MPZL1: variants seen among roughly 807,000 people sequenced by gnomAD.
MPZL1 encodes the protein myelin protein zero-like protein 1.
In MPZL1, 16 loss-of-function variants were observed where a neutral mutation model predicts 29.3. The observed-to-expected ratio is 0.55, with a 90% CI of 0.37 to 0.83. The LOEUF (loss-of-function observed/expected upper bound fraction) is 0.83, where lower values mean the gene tolerates loss of function less well. Among genes scored for constraint, MPZL1 ranks in the 40% least tolerant of loss-of-function variants. MPZL1 has a pLI of 0.00. For synonymous variants in MPZL1, 143 were observed against 132.0 expected, an observed-to-expected ratio of 1.08 and a Z score of -0.57; for missense variants, 279 against 332.9, an observed-to-expected ratio of 0.84 and a Z score of 1.26.
At chr1:167,728,362 CTTT>C (rs71097693) in intron 1 of MPZL1, among the ~76,000 whole-genome samples, 1 of 117,678 alleles carries the variant, frequency 8.5e-6, no homozygotes, top group Non-Finnish European at 1.7e-5. Flanking sequence ...TTCTTTCTTT[CTTT>C]TTTTTTTTTT....
At chr1:167,781,686 A>C (rs1367414735) in intron 5 of MPZL1, among the ~76,000 whole-genome samples, 2 of 152,150 alleles carry the variant, frequency 1.3e-5, no homozygotes, top group Non-Finnish European at 2.9e-5. Context: ...AGCAAATTAA[A>C]CCCAACATAA....
intron 3 of MPZL1, 71 bp downstream of exon 3, chr1:167,772,559 T>G (rs1473804508): frequency 1.2e-5 from 16 of 1,389,420 alleles, no homozygotes; most frequent in African/African-American, 1.4e-5. Context: ...AAAACATGAG[T>G]TGCATTTCAT....
intron 3 of MPZL1, 120 bp from the exon 4 acceptor site, chr1:167,773,116 G>A: frequency 2.0e-6 from 2 of 986,576 alleles, no homozygotes; most frequent in Non-Finnish European, 3.0e-6. Flanking sequence ...CTCATAGTTT[G>A]GATAATAAAA....
At chr1:167,753,483 C>G (rs1660798745) in intron 1 of MPZL1, among the ~76,000 whole-genome samples, 1 of 152,170 alleles carries the variant, frequency 6.6e-6, no homozygotes, top group Non-Finnish European at 1.5e-5. Flanking sequence ...CGACAGTAAA[C>G]ATATCTCGAA....
intron 1 of MPZL1, among the ~76,000 whole-genome samples, chr1:167,748,621 G>A (rs1480801011): frequency 1.3e-5 from 2 of 151,658 alleles, no homozygotes; most frequent in Non-Finnish European, 2.9e-5. Context: ...TTAAATTTTG[G>A]GTAAGTCCAA....
At position 167,787,925 on chromosome 1, in the gene MPZL1, A is replaced by G. The variant is rs1404374690; in HGVS notation, c.*4A>G. 4 of 1,600,310 alleles carry G rather than the reference A, an allele frequency of 2.5e-6. No homozygotes were observed. In the African/African-American group the frequency reaches 5.4e-5, roughly 21 times the overall value. On this transcript the variant is annotated 3_prime_UTR_variant, in exon 6 of 6. Transcript: ENST00000359523. ...TGCGGATATCCGAAAGAATTAAGAG[A>G]ATACCTAGAACATATCCTCAGCAAG...
intron 5 of MPZL1, among the ~76,000 whole-genome samples, chr1:167,785,472 G>A (rs1409134842): frequency 6.6e-6 from 1 of 152,212 alleles, no homozygotes; most frequent in East Asian, 1.9e-4. Flanking sequence ...GTTAGTCAGA[G>A]CTGATCACAA....
At chr1:167,726,892 T>G (rs1660158658) in intron 1 of MPZL1, among the ~76,000 whole-genome samples, 1 of 152,216 alleles carries the variant, frequency 6.6e-6, no homozygotes, top group South Asian at 2.1e-4. Flanking sequence ...AGGCACTGTT[T>G]ATGTATGGGA....
chr1:167,733,405 C>G (rs1660309544), intron 1 of MPZL1, among the ~76,000 whole-genome samples: 1 of 152,148 alleles, frequency 6.6e-6, no homozygotes, highest in African/African-American at 2.4e-5. Context: ...TTTTAAAATG[C>G]TGGGACTCCC....
Position 167,789,594 on chromosome 1 carries a change from A to G in MPZL1, c.*1673A>G, listed in dbSNP as rs1483893861. ...TGAGCTTCAAAACTAATGCTGTTGC[A>G]TACATGAAGCCTTTTGTTTTTTGAG... is the stretch of plus-strand genomic sequence containing the variant. On this transcript the variant is annotated 3_prime_UTR_variant, in exon 6 of 6. Coordinates refer to ENST00000359523, the MANE Select transcript of MPZL1 (RefSeq NM_003953.6). The G allele has an allele frequency of 1.3e-5, 2 of 152,236 alleles. No individual in the cohort carries two copies. Among genetic ancestry groups the G allele is most frequent in the African/African-American group, 4.8e-5 (2 of 41,466 alleles). 9.4% of individuals were successfully genotyped at this position (152,236 alleles called of 1,614,324 possible).
intron 1 of MPZL1, among the ~76,000 whole-genome samples, chr1:167,739,552 C>T (rs898031361): frequency 1.3e-5 from 2 of 151,718 alleles, no homozygotes; most frequent in East Asian, 3.9e-4. Context: ...TGTAATTTAC[C>T]TTATACAGAT....
chr1:167,746,598 C>T (rs1419373303), intron 1 of MPZL1, among the ~76,000 whole-genome samples: 2 of 152,176 alleles, frequency 1.3e-5, no homozygotes, highest in Non-Finnish European at 2.9e-5. Context: ...GTGCTATTTC[C>T]TTCTGCTCTG....
chr1:167,764,468 A>G (rs941236644), intron 1 of MPZL1, among the ~76,000 whole-genome samples: 23 of 152,268 alleles, frequency 1.5e-4, no homozygotes, highest in African/African-American at 5.3e-4. Flanking sequence ...TACCTAGCAC[A>G]GTGAAATCTT....
At chr1:167,748,222 CTG>C (rs1361222014) in intron 1 of MPZL1, among the ~76,000 whole-genome samples, 2 of 152,172 alleles carry the variant, frequency 1.3e-5, no homozygotes, top group African/African-American at 4.8e-5. Context: ...ACCTGCCAAA[CTG>C]TTTTTCAAAA....
rs547528025 is a variant in MPZL1 at position 167,751,352 on chromosome 1, A to T, written c.92-14231A>T. On this transcript the variant is annotated intron_variant, in intron 1 of 5. Coordinates refer to ENST00000359523, the MANE Select transcript of MPZL1 (RefSeq NM_003953.6). ...GAGTAGTCATTTGACAGATATAATC[A>T]TGTAGAATTACTTACTATCAGAAAT... 2.0e-5 allele frequency among the ~76,000 whole-genome samples: 3 copies of T among 152,346 alleles called. No homozygotes were observed. In the South Asian group the frequency reaches 6.2e-4, roughly 32 times the overall value.
chr1:167,746,256 G>A (rs1660644533), intron 1 of MPZL1, among the ~76,000 whole-genome samples: 1 of 151,934 alleles, frequency 6.6e-6, no homozygotes, highest in Non-Finnish European at 1.5e-5. Context: ...AGTGTGCTGT[G>A]TTGGGGAAAG....
intron 5 of MPZL1, among the ~76,000 whole-genome samples, chr1:167,784,712 C>A (rs1380403019): frequency 6.6e-6 from 1 of 152,212 alleles, no homozygotes; most frequent in Admixed American, 6.5e-5. Context: ...TGCATCCTTT[C>A]TTTCATCCAT....
At chr1:167,743,449 T>C (rs1428454629) in intron 1 of MPZL1, among the ~76,000 whole-genome samples, 1 of 151,716 alleles carries the variant, frequency 6.6e-6, no homozygotes, top group African/African-American at 2.4e-5. Flanking sequence ...CTCGTGACCC[T>C]CCCGCCTCGG....
chr1:167,739,249 A>G (rs1255265160), intron 1 of MPZL1, among the ~76,000 whole-genome samples: 2 of 146,654 alleles, frequency 1.4e-5, no homozygotes, highest in Non-Finnish European at 3.0e-5. Flanking sequence ...AGCCAAAGGG[A>G]CTAATACATA....
Sources: allele counts gnomAD v4.1 joint callset (sites outside exome capture counted in the v4.1 genomes callset), GRCh38; gene constraint gnomAD v4.1.1; transcripts MANE v1.5; gene names NCBI Gene and HGNC (gene_info 2026-07-23, HGNC 2026-07-21).